Variants in PHF24 observed in about 807,000 individuals in gnomAD.
PHF24 encodes the protein PHD finger protein 24.
In PHF24, 25 loss-of-function variants were observed where a neutral mutation model predicts 42.6. That is an observed-to-expected ratio of 0.59 (90% CI 0.43 to 0.82). The LOEUF is 0.82. Ranked by LOEUF, PHF24 falls within the 40% of genes least tolerant of loss-of-function variation. The probability of loss-of-function intolerance (pLI) is 0.00; values close to 1 mark genes in which losing one functional copy is unlikely to be tolerated. For missense variants in PHF24, 470 were observed against 538.1 expected (o/e 0.87, Z 1.25); for synonymous variants, 185 against 204.8 (o/e 0.90, Z 0.83).
the PHF24 span, among the ~76,000 whole-genome samples, chr9:34,879,073 G>A: frequency 2.0e-5 from 3 of 152,298 alleles, no homozygotes; most frequent in South Asian, 2.1e-4. Context: ...TGCAGCCTCC[G>A]CTGGTGATAC....
the PHF24 span, among the ~76,000 whole-genome samples, chr9:34,931,087 G>C: frequency 2.0e-5 from 3 of 152,090 alleles, no homozygotes; most frequent in Non-Finnish European, 4.4e-5. Context: ...CATAAGAATG[G>C]TATAATGAGG....
chr9:34,717,287 G>A, the PHF24 span, among the ~76,000 whole-genome samples: 12,992 of 145,188 alleles, frequency 0.089, 1,278 homozygotes, highest in African/African-American at 0.26. Context: ...GGGTTAACAT[G>A]AAGTTTAGGC....
chr9:34,751,359 C>T, the PHF24 span, among the ~76,000 whole-genome samples: 4 of 152,178 alleles, frequency 2.6e-5, no homozygotes, highest in African/African-American at 9.6e-5. Flanking sequence ...GAGCAAAACT[C>T]TGTCTCAAAA....
the PHF24 span, among the ~76,000 whole-genome samples, chr9:34,829,249 T>C: frequency 6.6e-6 from 1 of 152,170 alleles, no homozygotes; most frequent in Non-Finnish European, 1.5e-5. Flanking sequence ...ATGTGAGAAA[T>C]ACCATGATTG....
the PHF24 span, among the ~76,000 whole-genome samples, chr9:34,673,840 C>A: frequency 3.9e-5 from 6 of 152,136 alleles, no homozygotes; most frequent in Non-Finnish European, 8.8e-5. Flanking sequence ...CCAGGATGGT[C>A]TTGATCTCCT....
chr9:34,948,306 A>C, the PHF24 span, among the ~76,000 whole-genome samples: 4 of 152,242 alleles, frequency 2.6e-5, no homozygotes, highest in Non-Finnish European at 1.5e-5. Flanking sequence ...TTTTGAAGAA[A>C]GAAAAACATT....
At chr9:34,907,485 G>A in the PHF24 span, among the ~76,000 whole-genome samples, 60 of 152,214 alleles carry the variant, frequency 3.9e-4, 1 homozygote, top group East Asian at 9.7e-3. Flanking sequence ...CCTTCTAAAG[G>A]TGAAGGGACA....
the PHF24 span, among the ~76,000 whole-genome samples, chr9:34,883,595 C>G: frequency 6.6e-6 from 1 of 152,166 alleles, no homozygotes; most frequent in South Asian, 2.1e-4. Context: ...ATTTATGCAG[C>G]CAACAGACAC....
chr9:34,696,505 A>AAG, the PHF24 span, among the ~76,000 whole-genome samples: 1 of 151,370 alleles, frequency 6.6e-6, no homozygotes, highest in Non-Finnish European at 1.5e-5. Context: ...AAAAAAAAAA[A>AAG]AAGTTTAGAC....
At chr9:34,759,128 G>A in the PHF24 span, among the ~76,000 whole-genome samples, 1 of 152,138 alleles carries the variant, frequency 6.6e-6, no homozygotes, top group Non-Finnish European at 1.5e-5. Context: ...TGCTGTCACT[G>A]AGCTGCCCTG....
chr9:34,961,375 G>A (rs1826583428), intron 1 of PHF24, among the ~76,000 whole-genome samples: 1 of 152,186 alleles, frequency 6.6e-6, no homozygotes, highest in African/African-American at 2.4e-5. Flanking sequence ...TCAGTGTCCA[G>A]CTGAAGACAT....
chr9:34,839,144 A>C, the PHF24 span, among the ~76,000 whole-genome samples: 1 of 152,162 alleles, frequency 6.6e-6, no homozygotes, highest in African/African-American at 2.4e-5. Flanking sequence ...AAATGCTGCA[A>C]TCTTTTTGAG....
rs1272592816 is a variant in PHF24, at chr9:34,977,202, G to A, written c.969G>A (p.Trp323Ter). The A allele has an allele frequency of 6.2e-7, 1 of 1,613,210 alleles. No homozygotes were observed. The highest frequency in any genetic ancestry group is 8.5e-7 in the Non-Finnish European group (1 of 1,179,404). ...AGTGCCGCCGGGCCCAGCACTCTTG[G>A]TTTTGCAAACGGTTCCCAGAGGCTC... The change falls in exon 6 of 8, where the codon TGG (tryptophan) becomes TGA (stop). Residue 323 changes from tryptophan (W) to a stop codon, truncating the protein, a stop_gained. Transcript: ENST00000242315. LOFTEE classifies it high-confidence loss of function.
At chr9:34,709,620 T>C in the PHF24 span, 1 of 1,614,190 alleles carries the variant, frequency 6.2e-7, no homozygotes, top group Non-Finnish European at 8.5e-7. Flanking sequence ...CATCAGCTGC[T>C]GCACCCAGAG....
the PHF24 span, among the ~76,000 whole-genome samples, chr9:34,684,280 G>A: frequency 7.2e-5 from 11 of 152,284 alleles, no homozygotes; most frequent in African/African-American, 2.6e-4. Context: ...ACAGTGATGA[G>A]GCATCACTTT....
chr9:34,709,842 G>A, the PHF24 span: 29 of 1,614,178 alleles, frequency 1.8e-5, no homozygotes, highest in South Asian at 1.8e-4. Flanking sequence ...CAACCTTGGC[G>A]GGAATCTTCC....
the PHF24 span, among the ~76,000 whole-genome samples, chr9:34,921,433 A>G: frequency 6.6e-6 from 1 of 151,972 alleles, no homozygotes; most frequent in Non-Finnish European, 1.5e-5. Context: ...GCTGTGCTTG[A>G]TATACATGAA....
At chr9:34,974,505 G>A (rs1827117256) in intron 3 of PHF24, among the ~76,000 whole-genome samples, 1 of 152,086 alleles carries the variant, frequency 6.6e-6, no homozygotes, top group Non-Finnish European at 1.5e-5. Context: ...CCCACATTCT[G>A]CAGCTGTCTT....
the PHF24 span, among the ~76,000 whole-genome samples, chr9:34,945,571 T>A: frequency 6.6e-6 from 1 of 152,288 alleles, no homozygotes; most frequent in East Asian, 1.9e-4. Flanking sequence ...GTGGGATCTT[T>A]AAGGGGTCTG....
Sources: allele counts gnomAD v4.1 joint callset (sites outside exome capture counted in the v4.1 genomes callset), GRCh38; gene constraint gnomAD v4.1.1; transcripts MANE v1.5; gene names NCBI Gene and HGNC (gene_info 2026-07-23, HGNC 2026-07-21).